Variants in ANXA4 observed in about 807,000 individuals in gnomAD.
ANXA4 encodes the protein 35-beta calcimedin.
A neutral mutation model predicts 49.8 loss-of-function variants in ANXA4; 39 were observed. The ratio of observed to expected loss-of-function variants is 0.78; its 90% CI spans 0.61 to 1.02. The LOEUF is 1.02. Among genes scored for constraint, ANXA4 ranks in the 50% least tolerant of loss-of-function variants. The probability of loss-of-function intolerance (pLI) is 0.00; values close to 1 mark genes in which losing one functional copy is unlikely to be tolerated. For synonymous variants in ANXA4, 134 were observed against 152.5 expected, an observed-to-expected ratio of 0.88 and a Z score of 0.89; for missense variants, 360 against 410.1, an observed-to-expected ratio of 0.88 and a Z score of 1.05.
intron 2 of ANXA4, among the ~76,000 whole-genome samples, chr2:69,701,772 T>G (rs1678336307): frequency 6.6e-6 from 1 of 152,102 alleles, no homozygotes; most frequent in South Asian, 2.1e-4. Flanking sequence ...TTCCTTTGCA[T>G]GCATGAGTAA....
intron 1 of ANXA4, among the ~76,000 whole-genome samples, chr2:69,773,268 A>C (rs761481777): frequency 9.2e-5 from 14 of 152,284 alleles, no homozygotes; most frequent in Non-Finnish European, 1.8e-4. Flanking sequence ...CCACTTCTTG[A>C]TGTGGTAAAA....
In ANXA4 at chr2:69,804,619, A is replaced by G; in HGVS notation, c.184A>G (p.Ile62Val). Residue 62 changes from isoleucine (I) to valine (V), a missense_variant, in exon 4 of 13, where the codon ATC becomes GTC. Ile to Val is a conservative substitution (Grantham distance 29). Coordinates refer to ENST00000394295, the MANE Select transcript of ANXA4 (RefSeq NM_001153.5). ...GATCAGGACAGCCTACAAGAGCACC[A>G]TCGGCAGGGTAGGCCACAGTCTTTC... ...QEIRTAYKST[I>V]GRDLIDDLKS... 6.2e-7 allele frequency: 1 copy of G among 1,612,762 alleles called. No homozygotes were observed. The highest frequency in any genetic ancestry group is 8.5e-7 in the Non-Finnish European group (1 of 1,179,352).
chr2:69,716,166 TAA>T, intron 2 of ANXA4, among the ~76,000 whole-genome samples: 1 of 146,996 alleles, frequency 6.8e-6, no homozygotes, highest in East Asian at 1.9e-4. Context: ...TACATATGAG[TAA>T]GAGAGAGAGA....
At chr2:69,810,974 A>G in intron 7 of ANXA4, 3 of 347,156 alleles carry the variant, frequency 8.6e-6, no homozygotes, top group Non-Finnish European at 1.6e-5. Context: ...AAGAGTATAT[A>G]TTGTCATAAG....
intron 2 of ANXA4, among the ~76,000 whole-genome samples, chr2:69,669,768 C>T (rs1219122374): frequency 6.6e-6 from 1 of 152,098 alleles, no homozygotes; most frequent in Non-Finnish European, 1.5e-5. Flanking sequence ...TCTCATGTTT[C>T]CCACTGACTC....
At chr2:69,740,650 T>A (rs1176672096), upstream of ANXA4, among the ~76,000 whole-genome samples, 1 of 149,420 alleles carries the variant, frequency 6.7e-6, no homozygotes, top group Non-Finnish European at 1.5e-5. Context: ...TTCTTTTCTT[T>A]TTTTCTTTCT....
At chr2:69,789,028 C>T (rs571751363) in intron 3 of ANXA4, among the ~76,000 whole-genome samples, 1 of 152,162 alleles carries the variant, frequency 6.6e-6, no homozygotes, top group South Asian at 2.1e-4. Context: ...TGGATTTCCC[C>T]TATTGTTTAA....
intron 2 of ANXA4, among the ~76,000 whole-genome samples, chr2:69,689,314 C>A (rs1677888160): frequency 6.6e-6 from 1 of 152,060 alleles, no homozygotes; most frequent in African/African-American, 2.4e-5. Flanking sequence ...TCTCAAATTT[C>A]TGGCCTCAAG....
At chr2:69,808,157 A>C in intron 6 of ANXA4, 161 bp downstream of exon 6, 3 of 651,908 alleles carry the variant, frequency 4.6e-6, no homozygotes, top group South Asian at 3.8e-5. Flanking sequence ...GTTTAGCCAA[A>C]TGGCGGTCTG....
In ANXA4 at chr2:69,698,655, G is replaced by A. The variant is rs1299680555; in HGVS notation, n.767-22119G>A. On this transcript the variant is annotated intron_variant and non_coding_transcript_variant, in intron 2 of 3. Coordinates refer to the ANXA4 transcript ENST00000418066. ...TAGGTGGGGCGGGGCAGGACTGTGCGATGGGCAAGTGTGAACTGTTACTGT... is the reference window on the plus strand; with the variant it reads ...TAGGTGGGGCGGGGCAGGACTGTGCAATGGGCAAGTGTGAACTGTTACTGT... Among the ~76,000 whole-genome samples, 4 of 152,184 alleles carry A rather than the reference G, an allele frequency of 2.6e-5. No homozygotes were observed. In the East Asian group the frequency reaches 7.7e-4, roughly 29 times the overall value.
intron 2 of ANXA4, among the ~76,000 whole-genome samples, chr2:69,661,221 C>CAA (rs201916139): frequency 5.9e-4 from 40 of 67,814 alleles, no homozygotes; most frequent in South Asian, 1.9e-3. Flanking sequence ...AAGCTTCAGA[C>CAA]AAAAAAAAAA....
chr2:69,686,649 G>T (rs1442810068), intron 2 of ANXA4, among the ~76,000 whole-genome samples: 3 of 152,096 alleles, frequency 2.0e-5, no homozygotes, highest in Admixed American at 6.5e-5. Flanking sequence ...TAGAAACGGG[G>T]TCTCACTATA....
intron 3 of ANXA4, among the ~76,000 whole-genome samples, chr2:69,727,107 CA>C (rs1340023878): frequency 2.0e-5 from 3 of 152,154 alleles, no homozygotes; most frequent in Non-Finnish European, 4.4e-5. Context: ...CTCCTGGGCT[CA>C]AGCAATCCTC....
rs754858216 is a variant in ANXA4, at chr2:69,812,716, A to G, written c.534+7A>G. 1.2e-6 allele frequency: 2 copies of G among 1,613,832 alleles called. No homozygotes were observed. Among genetic ancestry groups the G allele is most frequent in the South Asian group, 1.1e-5 (1 of 91,074 alleles). ...CGTGAGACAGGATGCCCAGGTTGGT[A>G]GAACTGCAGCTTCTTTCTTCCAGCT... On this transcript the variant is annotated splice_region_variant and intron_variant, in intron 8 of 12. Transcript: ENST00000394295.
chr2:69,678,389 C>CTTTT (rs150952411), intron 2 of ANXA4, among the ~76,000 whole-genome samples: 156 of 78,332 alleles, frequency 2.0e-3, no homozygotes, highest in African/African-American at 3.5e-3. Context: ...CTTTTCTTTT[C>CTTTT]TTTTTTTTTT....
rs368406744 is a variant in ANXA4, at chr2:69,808,009, C to A, written c.397+13C>A. On this transcript the variant is annotated intron_variant, in intron 6 of 12. Transcript: ENST00000394295. The stretch of plus-strand genomic sequence containing the variant: ...ACCTACCAGCAGCGTACGTGACATC[C>A]GCAGTGGCCCTGGCTGAGGTTTCGC... 7.4e-6 allele frequency: 12 copies of A among 1,613,024 alleles called. No homozygotes were observed. In the South Asian group the frequency reaches 1.1e-4, roughly 15 times the overall value.
intron 2 of ANXA4, among the ~76,000 whole-genome samples, chr2:69,716,628 A>T (rs1669643603): frequency 1.3e-5 from 2 of 152,128 alleles, no homozygotes; most frequent in Non-Finnish European, 2.9e-5. Flanking sequence ...TTTTGAGAAG[A>T]TCACTCGGGA....
intron 1 of ANXA4, among the ~76,000 whole-genome samples, chr2:69,748,309 G>A (rs1263524720): frequency 6.6e-6 from 1 of 151,686 alleles, no homozygotes; most frequent in Non-Finnish European, 1.5e-5. Flanking sequence ...AACCCGGGAG[G>A]CAGAGCTTGC....
chr2:69,773,325 C>G (rs556779295), intron 1 of ANXA4, among the ~76,000 whole-genome samples: 139 of 152,250 alleles, frequency 9.1e-4, no homozygotes, highest in South Asian at 2.1e-3. Flanking sequence ...GGAGAGGTGT[C>G]CCCCTTCCCT....
Sources: gnomAD v4.1 joint callset for allele counts (sites outside exome capture counted in the v4.1 genomes callset) on GRCh38, gnomAD v4.1.1 for gene constraint, MANE v1.5 for transcripts, NCBI Gene and HGNC (gene_info 2026-07-23, HGNC 2026-07-21) for gene names.